Variants in HPCAL1 observed in about 807,000 individuals in gnomAD.
HPCAL1 encodes the protein hippocalcin like 1, also known as hippocalcin-like protein 1.
In HPCAL1, 8 loss-of-function variants were observed where a neutral mutation model predicts 17.1. The observed-to-expected ratio is 0.47, with a 90% CI of 0.27 to 0.84. The LOEUF is 0.84. HPCAL1 is among the 40% of genes least tolerant of loss of function. HPCAL1 has a pLI of 0.13. For missense variants in HPCAL1, 165 were observed against 271.1 expected (o/e 0.61, Z 2.75); for synonymous variants, 112 against 111.4 (o/e 1.01, Z -0.03).
chr2:10,389,610 T>C (rs1180680680), intron 1 of HPCAL1, among the ~76,000 whole-genome samples: 2 of 152,232 alleles, frequency 1.3e-5, no homozygotes, highest in Non-Finnish European at 2.9e-5. Context: ...ACCCAGTCTA[T>C]GGTAATTTGT....
intron 2 of HPCAL1, among the ~76,000 whole-genome samples, chr2:10,400,765 G>T (rs1461723932): frequency 1.5e-5 from 2 of 131,336 alleles, no homozygotes; most frequent in Non-Finnish European, 3.3e-5. Flanking sequence ...ACACCCACAT[G>T]CACACATACA....
At chr2:10,372,427 TC>T (rs59236632) in intron 1 of HPCAL1, among the ~76,000 whole-genome samples, 58,458 of 150,870 alleles carry the variant, frequency 0.39, 12,425 homozygotes, top group Middle Eastern at 0.5. Context: ...TAAGGCATAA[TC>T]CCCCCCCAGG....
intron 1 of HPCAL1, among the ~76,000 whole-genome samples, chr2:10,353,097 C>A (rs935148489): frequency 6.6e-6 from 1 of 152,112 alleles, no homozygotes; most frequent in Non-Finnish European, 1.5e-5. Context: ...GCAGTCGTGC[C>A]GATGCAGTTC....
chr2:10,356,005 A>C (rs1323657404), intron 1 of HPCAL1, among the ~76,000 whole-genome samples: 1 of 152,192 alleles, frequency 6.6e-6, no homozygotes, highest in East Asian at 1.9e-4. Context: ...AATTCACCCC[A>C]GGGACCGCAC....
At chr2:10,336,340 T>A (rs764953662) in intron 1 of HPCAL1, among the ~76,000 whole-genome samples, 2 of 152,258 alleles carry the variant, frequency 1.3e-5, no homozygotes, top group Non-Finnish European at 2.9e-5. Context: ...GACTAATCCT[T>A]TGTCAGTTCA....
At chr2:10,318,095 A>G (rs1380145423) in intron 1 of HPCAL1, among the ~76,000 whole-genome samples, 1 of 152,176 alleles carries the variant, frequency 6.6e-6, no homozygotes, top group Non-Finnish European at 1.5e-5. Context: ...CTATTTGTGC[A>G]TATTCTTGGG....
Position 10,304,783 on chromosome 2 carries a change from G to A in HPCAL1, c.-111+1606G>A, listed in dbSNP as rs907364912. Among the ~76,000 whole-genome samples, 1 of 152,110 alleles carries A rather than the reference G, an allele frequency of 6.6e-6. No homozygotes were observed. The highest frequency in any genetic ancestry group is 1.5e-5 in the Non-Finnish European group (1 of 68,022). ...TTCATCGCCTTGGTGTCTTTCTCTG[G>A]GGGAAAAAAATCGCCTTTAACCAAG... On this transcript the variant is annotated intron_variant, in intron 1 of 4. Transcript: ENST00000307845. The surrounding 1 kb of genome is among the most constrained non-coding windows in gnomAD (Gnocchi z 4.1).
intron 1 of HPCAL1, among the ~76,000 whole-genome samples, chr2:10,396,121 A>G (rs925149187): frequency 6.6e-6 from 1 of 152,176 alleles, no homozygotes; most frequent in African/African-American, 2.4e-5. Flanking sequence ...GACACCCGCA[A>G]TGCAAATTTT....
chr2:10,420,195 C>T lies in HPCAL1; in HGVS notation c.378+60C>T, dbSNP rs968391293. On this transcript the variant is annotated intron_variant, in intron 3 of 4. Coordinates refer to ENST00000307845, the MANE Select transcript of HPCAL1 (RefSeq NM_002149.4). ...GCCCAGGTCCCCTCCCAGCTCCCAGCCCCCAGCCCAGGGCTTTTTTTTTTT... is the reference window on the plus strand; with the variant it reads ...GCCCAGGTCCCCTCCCAGCTCCCAGTCCCCAGCCCAGGGCTTTTTTTTTTT... 56 of 1,450,998 alleles carry T rather than the reference C, an allele frequency of 3.9e-5. 1 individual carries two copies. The South Asian group carries it at 5.2e-4, about 13-fold the overall frequency. 89.9% of individuals were successfully genotyped at this position (1,450,998 alleles called of 1,614,324 possible). A position where few individuals can be genotyped will look rare whatever the true frequency, so the allele number is the denominator to read the frequency against.
intron 1 of HPCAL1, among the ~76,000 whole-genome samples, chr2:10,316,746 C>T (rs774521582): frequency 6.6e-6 from 1 of 152,160 alleles, no homozygotes; most frequent in Non-Finnish European, 1.5e-5. Context: ...CTGTAAAATC[C>T]GAGAAACCAG....
At chr2:10,386,626 C>T (rs986158443) in intron 1 of HPCAL1, among the ~76,000 whole-genome samples, 1 of 152,146 alleles carries the variant, frequency 6.6e-6, no homozygotes, top group Non-Finnish European at 1.5e-5. Context: ...AGATTGAGGA[C>T]TCAGGTGGGT....
At chr2:10,337,828 G>A (rs1354415198) in intron 1 of HPCAL1, among the ~76,000 whole-genome samples, 8 of 152,176 alleles carry the variant, frequency 5.3e-5, no homozygotes, top group Admixed American at 2.6e-4. Context: ...CCCAGGAGGT[G>A]CAGGCTGGTT....
chr2:10,391,054 A>G (rs1289186679), intron 1 of HPCAL1, among the ~76,000 whole-genome samples: 1 of 152,218 alleles, frequency 6.6e-6, no homozygotes, highest in African/African-American at 2.4e-5. Flanking sequence ...ACTAATCTGC[A>G]TGCACCCCAC....
chr2:10,383,986 A>G (rs1360558854), intron 1 of HPCAL1, among the ~76,000 whole-genome samples: 2 of 150,514 alleles, frequency 1.3e-5, no homozygotes, highest in Non-Finnish European at 2.9e-5. Context: ...ATATGTGTGT[A>G]CATATAATTA....
chr2:10,316,905 A>T (rs896880911), intron 1 of HPCAL1, among the ~76,000 whole-genome samples: 10 of 152,176 alleles, frequency 6.6e-5, no homozygotes, highest in African/African-American at 2.4e-4. Context: ...CTGGTAAATA[A>T]TTTCAGGATC....
chr2:10,309,045 T>G (rs1217614508), intron 1 of HPCAL1, among the ~76,000 whole-genome samples: 1 of 152,046 alleles, frequency 6.6e-6, no homozygotes, highest in Non-Finnish European at 1.5e-5. Context: ...AACAAACTTT[T>G]TTTTTTTGAG....
At chr2:10,319,474 A>T (rs1383441926) in intron 1 of HPCAL1, among the ~76,000 whole-genome samples, 1 of 151,904 alleles carries the variant, frequency 6.6e-6, no homozygotes, top group African/African-American at 2.4e-5. Flanking sequence ...ACAGACAGCC[A>T]GGCATGGCTC....
At chr2:10,378,138 G>T (rs1314713345) in intron 1 of HPCAL1, among the ~76,000 whole-genome samples, 3 of 151,696 alleles carry the variant, frequency 2.0e-5, no homozygotes, top group African/African-American at 7.3e-5. Context: ...TAAGGATGGT[G>T]CCAGCATCTG....
chr2:10,380,787 A>G (rs918263094), intron 1 of HPCAL1, among the ~76,000 whole-genome samples: 1 of 151,942 alleles, frequency 6.6e-6, no homozygotes, highest in Non-Finnish European at 1.5e-5. Flanking sequence ...TCCTGCACTC[A>G]CTCACCTATG....
Sources: allele counts gnomAD v4.1 joint callset (sites outside exome capture counted in the v4.1 genomes callset), GRCh38; gene constraint gnomAD v4.1.1; non-coding constraint Gnocchi (gnomAD v3.1); transcripts MANE v1.5; gene names NCBI Gene and HGNC (gene_info 2026-07-23, HGNC 2026-07-21).